DNAH11: variants seen among roughly 807,000 people sequenced by gnomAD.
DNAH11 encodes the protein axonemal beta dynein heavy chain 11.
DNAH11 carries 442 observed loss-of-function variants against 526.0 expected under a neutral mutation model. That is an observed-to-expected ratio of 0.84 (90% CI 0.78 to 0.91). The LOEUF (loss-of-function observed/expected upper bound fraction) is 0.91. Among genes scored for constraint, DNAH11 ranks in the 40% least tolerant of loss-of-function variants. The probability of loss-of-function intolerance (pLI) is 0.00; values close to 1 mark genes in which losing one functional copy is unlikely to be tolerated. For missense variants in DNAH11, 6,989 were observed against 5,448.7 expected, an observed-to-expected ratio of 1.28 and a Z score of -8.90; for synonymous variants, 2,461 against 1,935.9, an observed-to-expected ratio of 1.27 and a Z score of -7.12.
chr7:21,669,232 G>A (rs1280120156), intron 30 of DNAH11, among the ~76,000 whole-genome samples: 1 of 151,382 alleles, frequency 6.6e-6, no homozygotes. Context: ...CCAGGCTGGA[G>A]TGCAGTGGCA....
At chr7:21,713,503 T>C (rs1784538703) in intron 42 of DNAH11, among the ~76,000 whole-genome samples, 1 of 152,200 alleles carries the variant, frequency 6.6e-6, no homozygotes, top group South Asian at 2.1e-4. Context: ...TTCCAGGTTC[T>C]GGCAGTCCTT....
intron 74 of DNAH11, among the ~76,000 whole-genome samples, chr7:21,876,976 A>G (rs1368321116): frequency 6.6e-6 from 1 of 152,220 alleles, no homozygotes; most frequent in Non-Finnish European, 1.5e-5. Context: ...AGTCTCCATC[A>G]CAGATGTCCT....
At chr7:21,551,397 A>G (rs1036139800) in intron 2 of DNAH11, among the ~76,000 whole-genome samples, 1 of 152,190 alleles carries the variant, frequency 6.6e-6, no homozygotes, top group African/African-American at 2.4e-5. Flanking sequence ...GAGGCTTTCT[A>G]AAACCTGTTT....
chr7:21,591,047 G>A, intron 13 of DNAH11, 25 bp downstream of exon 13: 1 of 1,425,350 alleles, frequency 7.0e-7, no homozygotes, highest in Non-Finnish European at 9.3e-7. Flanking sequence ...TTAAAAAAAA[G>A]ATACTAGGGC....
chr7:21,559,937 G>C, intron 4 of DNAH11, 145 bp downstream of exon 4: 2 of 680,976 alleles, frequency 2.9e-6, no homozygotes, highest in South Asian at 4.9e-5. Flanking sequence ...CTGTGTGTGT[G>C]GTGTGCACTT....
intron 28 of DNAH11, among the ~76,000 whole-genome samples, chr7:21,642,779 G>C (rs1279769482): frequency 6.6e-6 from 1 of 152,038 alleles, no homozygotes; most frequent in East Asian, 2.0e-4. Flanking sequence ...TGTGGAATGT[G>C]ATCAGCTTGA....
Position 21,787,448 on chromosome 7 carries a change from T to G in DNAH11, c.9789T>G (p.Ile3263Met), listed in dbSNP as rs953225271. The G allele has an allele frequency of 8.7e-6, 14 of 1,613,076 alleles. No homozygotes were observed. The highest frequency in any genetic ancestry group is 1.0e-5 in the Non-Finnish European group (12 of 1,179,474). Residue 3263 changes from isoleucine (I) to methionine (M), a missense_variant, in exon 60 of 82, where the codon ATT (isoleucine) becomes ATG (methionine). Ile to Met is a conservative substitution (Grantham distance 10, BLOSUM62 1). Transcript: ENST00000409508. Reference sequence around the variant, plus strand: ...TAATTAACTATGACAAAGAGCACATTCCAGAGAACTGTCTAAAAGTGGTGA... The same window carrying G: ...TAATTAACTATGACAAAGAGCACATGCCAGAGAACTGTCTAAAAGTGGTGA... ...QALINYDKEH[I>M]PENCLKVVNE...
chr7:21,868,910 G>T lies in DNAH11; in HGVS notation c.11886G>T (p.Val3962=). The change falls in exon 73 of 82, where the codon GTG becomes GTT. Residue 3962 remains valine, a synonymous_variant. Transcript: ENST00000409508. ...FTIDSGKFHN[V]SLGQGQETVA... ...TTGACTCTGGAAAATTCCACAATGT[G>T]TCTTTAGGACAAGGTCAGGAGACGG... 1 of 1,614,014 alleles carries T rather than the reference G, an allele frequency of 6.2e-7. No individual in the cohort carries two copies. Among genetic ancestry groups the T allele is most frequent in the Non-Finnish European group, 8.5e-7 (1 of 1,179,880 alleles).
chr7:21,782,273 A>G (rs1787979062), intron 57 of DNAH11, among the ~76,000 whole-genome samples: 1 of 152,276 alleles, frequency 6.6e-6, no homozygotes, highest in Middle Eastern at 3.4e-3. Context: ...TTACAGTTGT[A>G]GGGGGAAAGC....
At chr7:21,895,907 A>T (rs762991791) in intron 79 of DNAH11, among the ~76,000 whole-genome samples, 16 of 151,872 alleles carry the variant, frequency 1.1e-4, no homozygotes, top group Non-Finnish European at 1.9e-4. Flanking sequence ...TTTTTTGTAT[A>T]TTTAGTAGAG....
chr7:21,698,777 G>A (rs1393509580), intron 36 of DNAH11, among the ~76,000 whole-genome samples: 1 of 152,104 alleles, frequency 6.6e-6, no homozygotes, highest in Non-Finnish European at 1.5e-5. Context: ...CTATAAATAG[G>A]CATGTTCAAG....
At chr7:21,784,370 T>G in intron 57 of DNAH11, 57 bp from the exon 58 acceptor site, 1 of 1,328,526 alleles carries the variant, frequency 7.5e-7, no homozygotes, top group South Asian at 1.2e-5. Flanking sequence ...CATTTTTCTT[T>G]AGAGATATCT....
intron 54 of DNAH11, among the ~76,000 whole-genome samples, chr7:21,762,665 A>T (rs554354374): frequency 6.6e-6 from 1 of 152,370 alleles, no homozygotes; most frequent in African/African-American, 2.4e-5. Context: ...TGAAAAAATG[A>T]TTACTCAGCT....
In DNAH11 at chr7:21,635,874, C is replaced by T. The variant is rs774689207; in HGVS notation, c.4504C>T (p.Gln1502Ter). The change falls in exon 26 of 82, where the codon CAG becomes TAG. Residue 1502 changes from glutamine to a stop codon, truncating the protein, a stop_gained. Transcript: ENST00000409508. LOFTEE classifies it high-confidence loss of function. The stretch of plus-strand genomic sequence containing the variant: ...AAATTCTTTGCCTTTATTTTAGGTT[C>T]AGTTGCAGACTCTTCTTCAAAGCAA... Reference protein sequence around the residue: ...LFETLEHNQVQLQTLLQSKYV... With the variant: ...LFETLEHNQV 1.9e-6 allele frequency: 3 copies of T among 1,604,598 alleles called. No homozygotes were observed. The highest frequency in any genetic ancestry group is 2.7e-5 in the African/African-American group (2 of 74,804).
chr7:21,708,289 G>A (rs573044415), intron 40 of DNAH11, among the ~76,000 whole-genome samples: 11 of 152,264 alleles, frequency 7.2e-5, no homozygotes, highest in African/African-American at 2.2e-4. Context: ...CAGTAAATGC[G>A]CTAACCTTGG....
At chr7:21,846,268 T>A (rs1408932317) in intron 66 of DNAH11, among the ~76,000 whole-genome samples, 1 of 152,164 alleles carries the variant, frequency 6.6e-6, no homozygotes, top group African/African-American at 2.4e-5. Flanking sequence ...TAGTACAATG[T>A]TGAGTAGGAG....
At position 21,778,949 on chromosome 7, in the gene DNAH11, T is replaced by C. The variant is rs72657378; in HGVS notation, c.9337-9T>C. Reference sequence around the variant, plus strand: ...GCCAGTGACGTAAGAATAATGACTTTTGCTTTAGGTGGGAGATCTAAAAGC... The same window carrying C: ...GCCAGTGACGTAAGAATAATGACTTCTGCTTTAGGTGGGAGATCTAAAAGC... On this transcript the variant is annotated splice_polypyrimidine_tract_variant and intron_variant, in intron 56 of 81. Coordinates refer to ENST00000409508, the MANE Select transcript of DNAH11 (RefSeq NM_001277115.2). 2.4e-3 allele frequency: 3,795 copies of C among 1,612,198 alleles called. 68 individuals are homozygous for C. In the African/African-American group the frequency reaches 0.044, roughly 19 times the overall value.
chr7:21,773,943 G>A lies in DNAH11; in HGVS notation c.9280G>A (p.Glu3094Lys), dbSNP rs368259931. 139 of 1,588,186 alleles carry A rather than the reference G, an allele frequency of 8.8e-5. No homozygotes were observed. Among genetic ancestry groups the A allele is most frequent in the East Asian group, 8.7e-4 (38 of 43,786 alleles). ...GAAGAAGAAGCAAAATGAGGTATCC[G>A]AGAAAAAAGAACGCCTGGTGAACGG... is the stretch of plus-strand genomic sequence containing the variant. ...LLKKKQNEVS[E>K]KKERLVNGIQ... Residue 3094 changes from glutamate to lysine, a missense_variant, in exon 56 of 82, where the codon GAG (glutamate) becomes AAG (lysine). Transcript: ENST00000409508.
At chr7:21,848,955 G>A (rs374018771) in intron 66 of DNAH11, among the ~76,000 whole-genome samples, 7 of 152,144 alleles carry the variant, frequency 4.6e-5, no homozygotes, top group East Asian at 1.9e-4. Context: ...GCACAATCTC[G>A]GCTCACTGCA....
Sources: allele counts gnomAD v4.1 joint callset (sites outside exome capture counted in the v4.1 genomes callset), GRCh38; gene constraint gnomAD v4.1.1; transcripts MANE v1.5; gene names NCBI Gene and HGNC (gene_info 2026-07-23, HGNC 2026-07-21).